The following COL6A2 variants were observed in gnomAD, a reference collection of about 807,000 sequenced individuals.
The protein encoded by COL6A2 is collagen type VI alpha 2 chain.
Under a neutral mutation model 124.9 loss-of-function variants are expected in COL6A2, and 90 were observed. That is an observed-to-expected ratio of 0.72 (90% CI 0.61 to 0.86). The LOEUF (loss-of-function observed/expected upper bound fraction) is 0.86, where lower values mean the gene tolerates loss of function less well. Ranked by LOEUF, COL6A2 falls within the 40% of genes least tolerant of loss-of-function variation. COL6A2 has a pLI of 0.00. For missense variants in COL6A2, 1,607 were observed against 1,502.5 expected (o/e 1.07, Z -1.15); for synonymous variants, 793 against 618.2 (o/e 1.28, Z -4.19).
Position 46,122,134 on chromosome 21 carries a change from C to T in COL6A2, c.1548C>T (p.Ser516=). The T allele has an allele frequency of 6.2e-7, 1 of 1,612,728 alleles. No homozygotes were observed. Residue 516 remains serine, a synonymous_variant, in exon 19 of 28, where the codon AGC becomes AGT. Coordinates refer to ENST00000300527, the MANE Select transcript of COL6A2 (RefSeq NM_001849.4). ...GAGACCCCGGCAGGCCTGGATTCAGCTACCCAGGACCCCGAGGAGCACCCG... is the reference window on the plus strand; with the variant it reads ...GAGACCCCGGCAGGCCTGGATTCAGTTACCCAGGACCCCGAGGAGCACCCG... ...PKGDPGRPGF[S]YPGPRGAPGE...
Position 46,111,581 on chromosome 21 carries a change from C to T in COL6A2, c.105C>T (p.Asn35=). ...CGCCGGACACTACCGAGAGAAACAACAACTGCCCAGGTGCCAGGGGTCGGG... is the reference window on the plus strand; with the variant it reads ...CGCCGGACACTACCGAGAGAAACAATAACTGCCCAGGTGCCAGGGGTCGGG... ...VISPDTTERN[N]NCPEKTDCPI... The change falls in exon 2 of 28, where the codon AAC becomes AAT. Residue 35 remains asparagine, a synonymous_variant. Coordinates refer to ENST00000300527, the MANE Select transcript of COL6A2 (RefSeq NM_001849.4). 1 of 1,612,486 alleles carries T rather than the reference C, an allele frequency of 6.2e-7. No individual in the cohort carries two copies. Among genetic ancestry groups the T allele is most frequent in the Non-Finnish European group, 8.5e-7 (1 of 1,179,714 alleles).
intron 27 of COL6A2, chr21:46,128,778 G>A (rs1256697399): frequency 2.8e-5 from 23 of 826,328 alleles, no homozygotes; most frequent in East Asian, 9.7e-5. Context: ...ATCCCAGAGA[G>A]GCTGAGGAAG....
Position 46,126,136 on chromosome 21 carries a change from C to T in COL6A2, c.2321C>T (p.Ser774Phe), listed in dbSNP as rs1246442954. ...AAGCACGAGAGTGAAAACCTCTACTCCATCGCCTGCGACAAGCCACAGCAG... is the reference window on the plus strand; with the variant it reads ...AAGCACGAGAGTGAAAACCTCTACTTCATCGCCTGCGACAAGCCACAGCAG... ...HEKHESENLY[S>F]IACDKPQQVR... Residue 774 changes from serine to phenylalanine, a missense_variant, in exon 26 of 28, where the codon TCC (serine) becomes TTC (phenylalanine). Ser to Phe is a radical substitution (Grantham distance 155). Around this residue, in one of 3 missense-constraint regions of COL6A2, gnomAD observed 1,223 missense variants for 1,052.2 expected, o/e 1.16. Transcript: ENST00000300527. 1 of 1,611,462 alleles carries T rather than the reference C, an allele frequency of 6.2e-7. No individual in the cohort carries two copies. The highest frequency in any genetic ancestry group is 2.2e-5 in the East Asian group (1 of 44,872).
Position 46,125,996 on chromosome 21 carries a change from G to C in COL6A2, c.2181G>C (p.Ala727=). 6.2e-7 allele frequency: 1 copy of C among 1,613,062 alleles called. No individual in the cohort carries two copies. Among genetic ancestry groups the C allele is most frequent in the Non-Finnish European group, 8.5e-7 (1 of 1,179,862 alleles). The change falls in exon 26 of 28, where the codon GCG becomes GCC. Residue 727 remains alanine, a synonymous_variant. Transcript: ENST00000300527. The part of the protein sequence containing the change: ...ESRRQKTRVF[A]VVITDGRHDP... ...GGCGCCAGAAGACACGTGTGTTTGCGGTGGTCATCACGGACGGGCGCCACG... is the reference window on the plus strand; with the variant it reads ...GGCGCCAGAAGACACGTGTGTTTGCCGTGGTCATCACGGACGGGCGCCACG...
chr21:46,127,687 C>T (rs1046340827), intron 27 of COL6A2, among the ~76,000 whole-genome samples: 11 of 151,790 alleles, frequency 7.2e-5, no homozygotes, highest in African/African-American at 1.9e-4. Flanking sequence ...CCATGATGGG[C>T]GACATGGCGA....
rs545218705 is a variant in COL6A2 at position 46,112,490 on chromosome 21, C to G, written c.627C>G (p.His209Gln). 1.9e-6 allele frequency: 3 copies of G among 1,611,458 alleles called. No individual in the cohort carries two copies. The highest frequency in any genetic ancestry group is 8.5e-7 in the Non-Finnish European group (1 of 1,179,830). The change falls in exon 3 of 28, where the codon CAC (histidine) becomes CAG (glutamine). Residue 209 changes from histidine to glutamine, a missense_variant. Coordinates refer to ENST00000300527, the MANE Select transcript of COL6A2 (RefSeq NM_001849.4). ...QGLRDIASTP[H>Q]ELYRNDYATM... ...TGCGGGACATCGCCAGCACGCCGCACGAGCTCTACCGCAACGACTACGCCA... is the reference window on the plus strand; with the variant it reads ...TGCGGGACATCGCCAGCACGCCGCAGGAGCTCTACCGCAACGACTACGCCA...
chr21:46,105,767 C>CA (rs975004191), intron 1 of COL6A2, among the ~76,000 whole-genome samples: 19 of 151,210 alleles, frequency 1.3e-4, no homozygotes, highest in Non-Finnish European at 2.5e-4. Flanking sequence ...GTTTCACCAT[C>CA]AAAAAAATTA....
chr21:46,127,169 T>A (rs2078683966), intron 27 of COL6A2, among the ~76,000 whole-genome samples: 1 of 151,906 alleles, frequency 6.6e-6, no homozygotes, highest in Non-Finnish European at 1.5e-5. Flanking sequence ...CCCGGGGGCG[T>A]TAGGAGCTGA....
At position 46,112,066 on chromosome 21, in the gene COL6A2, TC is replaced by T; in HGVS notation, c.205del (p.His69ThrfsTer2). ...CAGTCCCCCACGGACATCCTGCTCT[TC>T]CACATGAAGCAGTTCGTGCCGCAGT... is the stretch of plus-strand genomic sequence containing the variant. The part of the protein sequence containing the change: ...TMQSPTDILL[F>X]HMKQFVPQFI... On this transcript the variant is annotated frameshift_variant, in exon 3 of 28. Transcript: ENST00000300527. LOFTEE classifies it high-confidence loss of function. The T allele has an allele frequency of 6.2e-7, 1 of 1,613,110 alleles. No individual in the cohort carries two copies. The highest frequency in any genetic ancestry group is 8.5e-7 in the Non-Finnish European group (1 of 1,180,002).
At chr21:46,123,767 G>GATGGATGGGTGAGTGGGTGTATGT (rs1052616069) in intron 21 of COL6A2, among the ~76,000 whole-genome samples, 1 of 135,138 alleles carries the variant, frequency 7.4e-6, no homozygotes, top group East Asian at 2.0e-4. Flanking sequence ...TGAGTGGGGG[G>GATGGATGGGTGAGTGGGTGTATGT]ATGGATGGGT....
intron 16 of COL6A2, 117 bp downstream of exon 16, chr21:46,120,694 G>A: frequency 9.9e-7 from 1 of 1,014,008 alleles, no homozygotes; most frequent in Non-Finnish European, 1.4e-6. Flanking sequence ...CCGGGTGGGT[G>A]CTGCACCCCA....
At position 46,112,170 on chromosome 21, in the gene COL6A2, G is replaced by C; in HGVS notation, c.307G>C (p.Asp103His). The C allele has an allele frequency of 6.2e-7, 1 of 1,613,022 alleles. No individual in the cohort carries two copies. The highest frequency in any genetic ancestry group is 8.5e-7 in the Non-Finnish European group (1 of 1,180,030). The part of the protein sequence containing the change: ...SWRYGGLHFS[D>H]QVEVFSPPGS... The stretch of plus-strand genomic sequence containing the variant: ...GCGCTACGGCGGCCTGCACTTCTCT[G>C]ACCAGGTGGAGGTGTTCAGCCCACC... Residue 103 changes from aspartate (D) to histidine (H), a missense_variant, in exon 3 of 28, where the codon GAC becomes CAC. Around this residue, in one of 3 missense-constraint regions of COL6A2, gnomAD observed 342 missense variants for 381.5 expected, o/e 0.90. Coordinates refer to ENST00000300527, the MANE Select transcript of COL6A2 (RefSeq NM_001849.4).
In COL6A2 at chr21:46,116,199, G is replaced by A. The variant is rs752854513; in HGVS notation, c.900+146G>A. 30 of 1,153,826 alleles carry A rather than the reference G, an allele frequency of 2.6e-5. No homozygotes were observed. The highest frequency in any genetic ancestry group is 7.7e-5 in the East Asian group (3 of 39,086). The allele number at this position is 1,153,826 out of a possible 1,614,324, so 71.5% of individuals were successfully genotyped here. On this transcript the variant is annotated intron_variant, in intron 7 of 27. Transcript: ENST00000300527. The surrounding 1 kb of genome is among the most constrained non-coding windows in gnomAD (Gnocchi z 4.6). ...GAAGCACCTCGATAACTTGATGGCC[G>A]TCCCAAAACCCAGCCTCCAGCCCGA...
chr21:46,114,122 G>A (rs755021773), intron 5 of COL6A2, 49 bp downstream of exon 5: 18 of 1,531,206 alleles, frequency 1.2e-5, no homozygotes, highest in East Asian at 2.2e-5. Context: ...GGAAGCCCCT[G>A]ATTTGTTTTG....
At position 46,125,854 on chromosome 21, in the gene COL6A2, G is replaced by A. The variant is rs1042917; in HGVS notation, c.2039G>A (p.Arg680His). Residue 680 changes from arginine (R) to histidine (H), a missense_variant, in exon 26 of 28, where the codon CGT becomes CAT. Coordinates refer to ENST00000300527, the MANE Select transcript of COL6A2 (RefSeq NM_001849.4). Reference protein sequence around the residue: ...TFEAIQLDDERIDSLSSFKEA... With the variant: ...TFEAIQLDDEHIDSLSSFKEA... ...GAGGCCATCCAGCTGGACGACGAAC[G>A]TATCGACTCCCTGTCGAGCTTCAAG... The A allele has an allele frequency of 0.48, 779,568 of 1,612,622 alleles. 194,042 individuals are homozygous for A. Among genetic ancestry groups the A allele is most frequent in the Admixed American group, 0.63 (37,606 of 59,976 alleles).
chr21:46,100,071 C>T (rs1317235483), intron 1 of COL6A2, among the ~76,000 whole-genome samples: 1 of 151,474 alleles, frequency 6.6e-6, no homozygotes, highest in Non-Finnish European at 1.5e-5. Context: ...AATGGATGTT[C>T]GCTTTTTGGG....
At chr21:46,101,609 G>T (rs888815483) in intron 1 of COL6A2, among the ~76,000 whole-genome samples, 1 of 152,038 alleles carries the variant, frequency 6.6e-6, no homozygotes, top group African/African-American at 2.4e-5. Flanking sequence ...TCATTCTTTT[G>T]CATGTGGATA....
chr21:46,128,763 C>T (rs1314658702), intron 27 of COL6A2: 5 of 784,436 alleles, frequency 6.4e-6, no homozygotes, highest in Admixed American at 1.8e-5. Context: ...GTGTAGAGGA[C>T]TCACATCCCA....
Position 46,119,791 on chromosome 21 carries a change from C to T in COL6A2, c.1273C>T (p.Arg425Cys), listed in dbSNP as rs761330909. The T allele has an allele frequency of 6.4e-6, 10 of 1,560,470 alleles. No homozygotes were observed. Among genetic ancestry groups the T allele is most frequent in the Admixed American group, 1.9e-5 (1 of 51,754 alleles). Residue 425 changes from arginine (R) to cysteine (C), a missense_variant, in exon 15 of 28, where the codon CGC (arginine) becomes TGC (cysteine). Physicochemically the swap from Arg to Cys is radical, Grantham distance 180. Transcript: ENST00000300527. ...CCCACACGCCTGTTCTCTGCAGGGGCGCAGGGGAGACCCCGGCACCAAGGG... is the reference window on the plus strand; with the variant it reads ...CCCACACGCCTGTTCTCTGCAGGGGTGCAGGGGAGACCCCGGCACCAAGGG... Reference protein sequence around the residue: ...GPRGPKGEPGRRGDPGTKGSP... With the variant: ...GPRGPKGEPGCRGDPGTKGSP...
Sources: gnomAD v4.1 joint callset for allele counts (sites outside exome capture counted in the v4.1 genomes callset) on GRCh38, gnomAD v4.1.1 for gene constraint, gnomAD v4.1.1 regional missense constraint, Gnocchi (gnomAD v3.1) non-coding constraint, MANE v1.5 for transcripts, NCBI Gene and HGNC (gene_info 2026-07-23, HGNC 2026-07-21) for gene names.